SHPRH: variants seen among roughly 807,000 people sequenced by gnomAD.
SHPRH encodes the protein SNF2 histone linker PHD RING helicase, also known as E3 ubiquitin-protein ligase SHPRH.
SHPRH carries 106 observed loss-of-function variants against 202.5 expected under a neutral mutation model. That is an observed-to-expected ratio of 0.52 (90% CI 0.45 to 0.62). The LOEUF is 0.62. Ranked by LOEUF, SHPRH falls within the 20% of genes least tolerant of loss-of-function variation. The pLI is 0.00. For missense variants in SHPRH, 1,710 were observed against 2,020.0 expected, an observed-to-expected ratio of 0.85 and a Z score of 2.94; for synonymous variants, 729 against 686.0, an observed-to-expected ratio of 1.06 and a Z score of -0.98.
downstream of SHPRH, among the ~76,000 whole-genome samples, chr6:145,879,946 A>G (rs185986225): frequency 4.0e-5 from 6 of 151,844 alleles, no homozygotes; most frequent in Non-Finnish European, 7.4e-5. Flanking sequence ...AAAAAGAAAA[A>G]AAGAAATGGT....
chr6:145,943,939 T>C, intron 8 of SHPRH, 137 bp from the exon 9 acceptor site: 3 of 817,150 alleles, frequency 3.7e-6, no homozygotes, highest in Non-Finnish European at 5.5e-6. Flanking sequence ...GAATCACTCC[T>C]GATAAGTGGC....
chr6:145,914,236 A>AGGGCT (rs531661152), intron 23 of SHPRH, among the ~76,000 whole-genome samples: 1 of 152,172 alleles, frequency 6.6e-6, no homozygotes, highest in South Asian at 2.1e-4. Context: ...GTCTGCAGGG[A>AGGGCT]GGGCTGGGCT....
chr6:145,858,645 GGT>G, the SHPRH span, among the ~76,000 whole-genome samples: 1 of 151,988 alleles, frequency 6.6e-6, no homozygotes, highest in East Asian at 1.9e-4. Context: ...TCTTGACTGT[GGT>G]GATGGTTTCA....
At chr6:145,870,250 T>C (rs1779995322) in intron 2 of SHPRH, among the ~76,000 whole-genome samples, 1 of 147,974 alleles carries the variant, frequency 6.8e-6, no homozygotes, top group Non-Finnish European at 1.5e-5. Flanking sequence ...TTTTTGTCAA[T>C]CGTTTCAGAT....
intron 2 of SHPRH, among the ~76,000 whole-genome samples, chr6:145,873,291 T>C (rs1006448860): frequency 2.0e-5 from 3 of 151,954 alleles, no homozygotes; most frequent in African/African-American, 7.3e-5. Flanking sequence ...GTGGGCTTGA[T>C]TGGCTGGTGG....
chr6:145,962,199 G>A (rs756761798), intron 1 of SHPRH, among the ~76,000 whole-genome samples: 3 of 152,182 alleles, frequency 2.0e-5, no homozygotes, highest in African/African-American at 7.2e-5. Context: ...TAGAGAAGCT[G>A]AGTTAAGGGC....
intron 2 of SHPRH, among the ~76,000 whole-genome samples, chr6:145,870,417 A>C (rs1473855954): frequency 6.6e-6 from 1 of 151,658 alleles, no homozygotes; most frequent in East Asian, 1.9e-4. Flanking sequence ...ACCCACCACC[A>C]CACCCAGCTA....
At position 145,922,887 on chromosome 6, in the gene SHPRH, C is replaced by A; in HGVS notation, c.3546-51G>T. The stretch of plus-strand genomic sequence containing the variant: ...CAATACAAAGAAAAGAATAATAGGT[C>A]AATTTCCTCAAATTCAGAGAATGGT... On this transcript the variant is annotated intron_variant, in intron 18 of 29. Transcript: ENST00000275233. 3 of 1,456,434 alleles carry A rather than the reference C, an allele frequency of 2.1e-6. No individual in the cohort carries two copies. In the South Asian group the frequency reaches 4.6e-5, roughly 22 times the overall value. The allele number at this position is 1,456,434 out of a possible 1,614,324, so 90.2% of individuals were successfully genotyped here. A position where few individuals can be genotyped will look rare whatever the true frequency, so the allele number is the denominator to read the frequency against.
Position 145,874,325 on chromosome 6 carries a change from T to C in SHPRH, c.222-9834A>G, listed in dbSNP as rs117723239. 4.2e-3 allele frequency among the ~76,000 whole-genome samples: 634 copies of C among 152,246 alleles called. 18 individuals carry two copies. In the East Asian group the frequency reaches 0.071, roughly 17 times the overall value. ...CTTGAAGTACACCGTATCAAAACTT[T>C]ACTTCATCTTTCATTCTTATGTGAT... On this transcript the variant is annotated intron_variant, in intron 2 of 2. Coordinates refer to the SHPRH transcript ENST00000417762.
intron 13 of SHPRH, among the ~76,000 whole-genome samples, chr6:145,934,652 G>A (rs1236046600): frequency 1.3e-5 from 2 of 151,022 alleles, no homozygotes; most frequent in East Asian, 3.9e-4. Context: ...GAAAGAGTGA[G>A]ACCCCGTCTC....
At chr6:145,949,364 G>A (rs2128795317) in intron 4 of SHPRH, among the ~76,000 whole-genome samples, 2 of 152,142 alleles carry the variant, frequency 1.3e-5, no homozygotes, top group Middle Eastern at 6.8e-3. Flanking sequence ...AGGGGGGCAG[G>A]TGTGTATACA....
intron 2 of SHPRH, 135 bp from the exon 3 acceptor site, chr6:145,952,613 T>C (rs1788093820): frequency 2.8e-6 from 2 of 705,618 alleles, no homozygotes; most frequent in Middle Eastern, 4.5e-4. Context: ...AATAAATACA[T>C]GCCTACCAAA....
Position 145,955,313 on chromosome 6 carries a change from G to C in SHPRH, c.10C>G (p.Arg4Gly). Reference sequence around the variant, plus strand: ...CTCACTGGAGGAGCACGTTTCCGTCGGCTGCTCATTTTCAAGTTTTCTTGG... The same window carrying C: ...CTCACTGGAGGAGCACGTTTCCGTCCGCTGCTCATTTTCAAGTTTTCTTGG... MSS[R>G]RKRAPPVRVD... Residue 4 changes from arginine to glycine, a missense_variant, in exon 2 of 30, where the codon CGA becomes GGA. By Grantham distance (125) the Arg-to-Gly change is moderately radical. This residue lies in a region of SHPRH where 459 missense variants were observed against 426.5 expected (regional missense o/e 1.08). Transcript: ENST00000275233. 6.3e-7 allele frequency: 1 copy of C among 1,592,872 alleles called. No individual in the cohort carries two copies. Among genetic ancestry groups the C allele is most frequent in the African/African-American group, 1.3e-5 (1 of 74,580 alleles).
chr6:145,893,457 G>T, intron 27 of SHPRH, 64 bp from the exon 28 acceptor site: 1 of 1,417,832 alleles, frequency 7.1e-7, no homozygotes, highest in Non-Finnish European at 9.4e-7. Context: ...GTATGTAATA[G>T]CTCACTTTAA....
At chr6:145,948,787 T>C (rs909534003) in intron 4 of SHPRH, among the ~76,000 whole-genome samples, 90 of 152,154 alleles carry the variant, frequency 5.9e-4, no homozygotes, top group African/African-American at 2.0e-3. Context: ...AGACCTGACC[T>C]CTTCTACGGG....
chr6:145,902,111 T>G (rs1436773543), intron 25 of SHPRH, among the ~76,000 whole-genome samples: 2 of 152,010 alleles, frequency 1.3e-5, no homozygotes, highest in Non-Finnish European at 2.9e-5. Context: ...AATAAAGAAG[T>G]GAAGTAAAGT....
rs762978622 is a variant in SHPRH at position 145,918,168 on chromosome 6, T to G, written c.4217A>C (p.Lys1406Thr). 2 of 1,607,398 alleles carry G rather than the reference T, an allele frequency of 1.2e-6. No individual in the cohort carries two copies. The highest frequency in any genetic ancestry group is 1.1e-5 in the South Asian group (1 of 90,220). ...AGTTAGGTAAAGAAGCTGCCCAAGT[T>G]TTTTCTGAAGCTGTGATGTAGCAAC... ...KAVATSQLQK[K>T]LGQLLYLTNL... The change falls in exon 23 of 30, where the codon AAA (lysine) becomes ACA (threonine). Residue 1406 changes from lysine (K) to threonine (T), a missense_variant. This residue lies in a region of SHPRH where 306 missense variants were observed against 479.5 expected (regional missense o/e 0.64). Transcript: ENST00000275233.
intron 22 of SHPRH, chr6:145,918,459 G>A (rs1275065700): frequency 3.4e-6 from 1 of 290,712 alleles, no homozygotes; most frequent in Non-Finnish European, 6.2e-6. Context: ...CTTTTAAACA[G>A]GAAGTGTCCC....
At chr6:145,866,368 GATA>G (rs148360530) in intron 2 of SHPRH, among the ~76,000 whole-genome samples, 3,787 of 152,184 alleles carry the variant, frequency 0.025, 154 homozygotes, top group African/African-American at 0.086. Context: ...GGAAAATGGG[GATA>G]ATAATAACTC....
Sources: gnomAD v4.1 joint callset for allele counts (sites outside exome capture counted in the v4.1 genomes callset) on GRCh38, gnomAD v4.1.1 for gene constraint, gnomAD v4.1.1 regional missense constraint, MANE v1.5 for transcripts, NCBI Gene and HGNC (gene_info 2026-07-23, HGNC 2026-07-21) for gene names.